The following LGALS3BP variants were observed in gnomAD, a reference collection of about 807,000 sequenced individuals.
The protein encoded by LGALS3BP is galectin-3-binding protein.
Under a neutral mutation model 22.9 loss-of-function variants are expected in LGALS3BP, and 25 were observed. The ratio of observed to expected loss-of-function variants is 1.09; its 90% CI spans 0.80 to 1.53. LGALS3BP has a LOEUF of 1.53. LGALS3BP is among the 40% of genes most tolerant of loss of function. LGALS3BP has a pLI of 0.00. For missense variants in LGALS3BP, 718 were observed against 752.0 expected, an observed-to-expected ratio of 0.95 and a Z score of 0.53; for synonymous variants, 335 against 331.1, an observed-to-expected ratio of 1.01 and a Z score of -0.13.
At position 78,973,262 on chromosome 17, in the gene LGALS3BP, CGGGGCACTGCCACTCTCT is replaced by C; in HGVS notation, c.377-58_377-41del. The C allele has an allele frequency of 6.8e-7, 1 of 1,460,996 alleles. No individual in the cohort carries two copies. Among genetic ancestry groups the C allele is most frequent in the South Asian group, 1.4e-5 (1 of 73,436 alleles). 90.5% of individuals were successfully genotyped at this position (1,460,996 alleles called of 1,614,324 possible). On this transcript the variant is annotated intron_variant, in intron 4 of 5. Coordinates refer to ENST00000262776, the MANE Select transcript of LGALS3BP (RefSeq NM_005567.4). This position sits in a 1 kb window ranked among gnomAD's most constrained non-coding sequence, Gnocchi z 5.8. ...GAGGGAAGTGGGCTGCGTTAGGAGC[CGGGGCACTGCCACTCTCT>C]GGGGTCAGTGTCTTCATCTGAAAGT...
rs776004950 is a variant in LGALS3BP at position 78,976,339 on chromosome 17, C to G, written c.53-183G>C. Among the ~76,000 whole-genome samples, 7 of 152,176 alleles carry G rather than the reference C, an allele frequency of 4.6e-5. No individual in the cohort carries two copies. The highest frequency in any genetic ancestry group is 5.9e-5 in the Non-Finnish European group (4 of 68,024). On this transcript the variant is annotated intron_variant, in intron 2 of 5. Transcript: ENST00000262776. The surrounding 1 kb of genome is among the most constrained non-coding windows in gnomAD (Gnocchi z 4.6). ...GGAGTGGAAGATACATACAGCCCCC[C>G]CTACCCCGCAAGGAGGCCAAACTCG...
Position 78,972,851 on chromosome 17 carries a change from C to T in LGALS3BP, c.629+119G>A, listed in dbSNP as rs934134538. 17 of 1,434,088 alleles carry T rather than the reference C, an allele frequency of 1.2e-5. No individual in the cohort carries two copies. Among genetic ancestry groups the T allele is most frequent in the Middle Eastern group, 1.9e-4 (1 of 5,296 alleles). The allele number at this position is 1,434,088 out of a possible 1,614,324, so 88.8% of individuals were successfully genotyped here. A position where few individuals can be genotyped will look rare whatever the true frequency, so the allele number is the denominator to read the frequency against. Reference sequence around the variant, plus strand: ...AACTGCGTGAGTGCATGTGTGACTGCGTGTGTACATGTGCATGCATGAGTA... The same window carrying T: ...AACTGCGTGAGTGCATGTGTGACTGTGTGTGTACATGTGCATGCATGAGTA... On this transcript the variant is annotated intron_variant, in intron 5 of 5. Transcript: ENST00000262776. This position sits in a 1 kb window ranked among gnomAD's most constrained non-coding sequence, Gnocchi z 5.1.
rs1299240996 is a variant in LGALS3BP, at chr17:78,977,181, G to A, written c.11C>T (p.Pro4Leu). Residue 4 changes from proline (P) to leucine (L), a missense_variant, in exon 2 of 6, where the codon CCG becomes CTG. Transcript: ENST00000262776. ...CAGCAGCCACACCCAGAAGAGCCTCGGAGGGGTCATGGCCGTGCCTGGATG... is the reference window on the plus strand; with the variant it reads ...CAGCAGCCACACCCAGAAGAGCCTCAGAGGGGTCATGGCCGTGCCTGGATG... MTP[P>L]RLFWVWLLVA... is the part of the protein sequence containing the mutation. The A allele has an allele frequency of 7.4e-6, 12 of 1,613,252 alleles. No individual in the cohort carries two copies. Among genetic ancestry groups the A allele is most frequent in the East Asian group, 4.5e-5 (2 of 44,872 alleles).
rs2070720157 is a variant in LGALS3BP, at chr17:78,976,246, C to T, written c.53-90G>A. 1.7e-6 allele frequency: 2 copies of T among 1,188,822 alleles called. No homozygotes were observed. The highest frequency in any genetic ancestry group is 1.5e-5 in the African/African-American group (1 of 64,606). 73.6% of individuals were successfully genotyped at this position (1,188,822 alleles called of 1,614,324 possible). A position where few individuals can be genotyped will look rare whatever the true frequency, so the allele number is the denominator to read the frequency against. On this transcript the variant is annotated intron_variant, in intron 2 of 5. Coordinates refer to ENST00000262776, the MANE Select transcript of LGALS3BP (RefSeq NM_005567.4). This position sits in a 1 kb window ranked among gnomAD's most constrained non-coding sequence, Gnocchi z 4.6. ...CCCCATATGCTGTCCTGGGTCTCCC[C>T]TGCTGAGCTTGTATTTCAGGGCTTC...
In LGALS3BP at chr17:78,977,258, G is replaced by A. The variant is rs191854140; in HGVS notation, c.-23-44C>T. The A allele has an allele frequency of 4.6e-6, 7 of 1,520,910 alleles. No individual in the cohort carries two copies. In the African/African-American group the frequency reaches 9.5e-5, roughly 21 times the overall value. The allele number at this position is 1,520,910 out of a possible 1,614,324, so 94.2% of individuals were successfully genotyped here. A position where few individuals can be genotyped will look rare whatever the true frequency, so the allele number is the denominator to read the frequency against. On this transcript the variant is annotated intron_variant, in intron 1 of 5. Transcript: ENST00000262776. ...GAGGGGTGAGGCACGGGAGCCAGAT[G>A]GCCCGAGGCCCCAGGGACTGGCCTG...
Position 78,977,132 on chromosome 17 carries a change from C to T in LGALS3BP, c.52+8G>A, listed in dbSNP as rs1366066555. Reference sequence around the variant, plus strand: ...CTGCTTTTGGTATTTCCCAGGGGCTCAGCTCACCTTGGGTTCCTGCAACCA... The same window carrying T: ...CTGCTTTTGGTATTTCCCAGGGGCTTAGCTCACCTTGGGTTCCTGCAACCA... On this transcript the variant is annotated splice_region_variant and intron_variant, in intron 2 of 5. Transcript: ENST00000262776. 3 of 1,613,180 alleles carry T rather than the reference C, an allele frequency of 1.9e-6. No homozygotes were observed. The highest frequency in any genetic ancestry group is 1.7e-6 in the Non-Finnish European group (2 of 1,179,978).
rs1368165259 is a variant in LGALS3BP, at chr17:78,971,714, C to G, written c.1620G>C (p.Trp540Cys). ...FVADVTDFEG[W>C]KAAIPSALDT... Reference sequence around the variant, plus strand: ...CCAGGGCACTGGGAATCGCAGCCTTCCAGCCCTCGAAATCGGTGACGTCTG... The same window carrying G: ...CCAGGGCACTGGGAATCGCAGCCTTGCAGCCCTCGAAATCGGTGACGTCTG... Residue 540 changes from tryptophan to cysteine, a missense_variant, in exon 6 of 6, where the codon TGG becomes TGC. Physicochemically the swap from Trp to Cys is radical, Grantham distance 215 (BLOSUM62 -2). Coordinates refer to ENST00000262776, the MANE Select transcript of LGALS3BP (RefSeq NM_005567.4). The surrounding 1 kb of genome is among the most constrained non-coding windows in gnomAD (Gnocchi z 5.6). 6.2e-7 allele frequency: 1 copy of G among 1,614,034 alleles called. No individual in the cohort carries two copies. The highest frequency in any genetic ancestry group is 8.5e-7 in the Non-Finnish European group (1 of 1,180,018).
intron 1 of LGALS3BP, among the ~76,000 whole-genome samples, chr17:78,978,745 G>C (rs1344965620): frequency 6.6e-6 from 1 of 152,188 alleles, no homozygotes; most frequent in African/African-American, 2.4e-5. Context: ...TGTCCGTCCT[G>C]GGAGAGTAAC....
intron 3 of LGALS3BP, 26 bp downstream of exon 3, chr17:78,975,939 C>G: frequency 6.4e-7 from 1 of 1,564,798 alleles, no homozygotes; most frequent in Non-Finnish European, 8.7e-7. Flanking sequence ...GTCTCAGCCT[C>G]AGTGGAAGGG....
Position 78,976,335 on chromosome 17 carries a change from C to G in LGALS3BP, c.53-179G>C, listed in dbSNP as rs190863676. Among the ~76,000 whole-genome samples the G allele has an allele frequency of 1.3e-4, 20 of 152,272 alleles. No individual in the cohort carries two copies. The highest frequency in any genetic ancestry group is 2.1e-4 in the South Asian group (1 of 4,832). On this transcript the variant is annotated intron_variant, in intron 2 of 5. Coordinates refer to ENST00000262776, the MANE Select transcript of LGALS3BP (RefSeq NM_005567.4). The surrounding 1 kb of genome is among the most constrained non-coding windows in gnomAD (Gnocchi z 4.6). ...GGGAGGAGTGGAAGATACATACAGC[C>G]CCCCCTACCCCGCAAGGAGGCCAAA...
At position 78,971,896 on chromosome 17, in the gene LGALS3BP, G is replaced by A; in HGVS notation, c.1438C>T (p.Leu480=). 1 of 1,614,196 alleles carries A rather than the reference G, an allele frequency of 6.2e-7. No individual in the cohort carries two copies. The highest frequency in any genetic ancestry group is 8.5e-7 in the Non-Finnish European group (1 of 1,180,042). The change falls in exon 6 of 6, where the codon CTG becomes TTG. Residue 480 remains leucine (L), a synonymous_variant. Transcript: ENST00000262776. This position sits in a 1 kb window ranked among gnomAD's most constrained non-coding sequence, Gnocchi z 5.6. ...CTCTGGATGGTGGGGAGGTAGACCA[G>A]GGACCAGGACACCCTCTTGTCCTGG... The part of the protein sequence containing the change: ...LFQDKRVSWS[L]VYLPTIQSCW...
In LGALS3BP at chr17:78,973,935, C is replaced by T. The variant is rs967557964; in HGVS notation, c.377-713G>A. On this transcript the variant is annotated intron_variant, in intron 4 of 5. Coordinates refer to ENST00000262776, the MANE Select transcript of LGALS3BP (RefSeq NM_005567.4). The surrounding 1 kb of genome is among the most constrained non-coding windows in gnomAD (Gnocchi z 5.8). ...CACGCCTTACCACAGCTCTCCTGCC[C>T]CAGGAGCTTTGGCCGTGCGCCCATG... Among the ~76,000 whole-genome samples, 1 of 152,258 alleles carries T rather than the reference C, an allele frequency of 6.6e-6. No individual in the cohort carries two copies. The highest frequency in any genetic ancestry group is 1.5e-5 in the Non-Finnish European group (1 of 68,046).
chr17:78,971,857 C>T lies in LGALS3BP; in HGVS notation c.1477G>A (p.Gly493Ser), dbSNP rs762668967. The T allele has an allele frequency of 1.3e-5, 21 of 1,614,164 alleles. No homozygotes were observed. The highest frequency in any genetic ancestry group is 5.0e-5 in the Admixed American group (3 of 60,022). The change falls in exon 6 of 6, where the codon GGC becomes AGC. Residue 493 changes from glycine to serine, a missense_variant. By Grantham distance (56) the Gly-to-Ser change is moderately conservative (BLOSUM62 0). Coordinates refer to ENST00000262776, the MANE Select transcript of LGALS3BP (RefSeq NM_005567.4). The surrounding 1 kb of genome is among the most constrained non-coding windows in gnomAD (Gnocchi z 5.6). ...LPTIQSCWNYGFSCSSDELPV... is the reference protein window; with the variant it reads ...LPTIQSCWNYSFSCSSDELPV... ...AGCTCGTCCGAGGAGCAGGAGAAGC[C>T]GTAGTTCCAGCAGCTCTGGATGGTG... is the stretch of plus-strand genomic sequence containing the variant.
chr17:78,972,949 C>T lies in LGALS3BP; in HGVS notation c.629+21G>A. On this transcript the variant is annotated intron_variant, in intron 5 of 5. Coordinates refer to ENST00000262776, the MANE Select transcript of LGALS3BP (RefSeq NM_005567.4). The surrounding 1 kb of genome is among the most constrained non-coding windows in gnomAD (Gnocchi z 5.1). ...GACAAAGCCCCTGGCGGCCCCAGAG[C>T]CTGAGGACGAGACGGCTCACCTGAG... 1 of 1,588,596 alleles carries T rather than the reference C, an allele frequency of 6.3e-7. No individual in the cohort carries two copies. The highest frequency in any genetic ancestry group is 8.6e-7 in the Non-Finnish European group (1 of 1,163,612).
chr17:78,972,680 G>A lies in LGALS3BP; in HGVS notation c.654C>T (p.Asp218=). 3 of 1,520,410 alleles carry A rather than the reference G, an allele frequency of 2.0e-6. No homozygotes were observed. The highest frequency in any genetic ancestry group is 2.6e-6 in the Non-Finnish European group (3 of 1,134,418). 94.2% of individuals were successfully genotyped at this position (1,520,410 alleles called of 1,614,324 possible). ...AGCACTTGACTGACGACAGGGTGAT[G>A]TCAATCCTTCGGGAGTAGAAGTACC... The part of the protein sequence containing the change: ...LLRYFYSRRI[D]ITLSSVKCFH... Residue 218 remains aspartate (D), a synonymous_variant, in exon 6 of 6, where the codon GAC becomes GAT. Transcript: ENST00000262776. This position sits in a 1 kb window ranked among gnomAD's most constrained non-coding sequence, Gnocchi z 5.1.
rs61741345 is a variant in LGALS3BP, at chr17:78,971,648, C to T, written c.1686G>A (p.Pro562=). 4.8e-4 allele frequency: 769 copies of T among 1,613,712 alleles called. 4 individuals are homozygous for T. The African/African-American group carries it at 9.0e-3, about 19-fold the overall frequency. ...SSKSTSSFPC[P]AGHFNGFRTV... ...TGCGGAAGCCGTTGAAGTGCCCTGC[C>T]GGGCAGGGGAAGGAGGAGGTGCTCT... The change falls in exon 6 of 6, where the codon CCG becomes CCA. Residue 562 remains proline, a synonymous_variant. Coordinates refer to ENST00000262776, the MANE Select transcript of LGALS3BP (RefSeq NM_005567.4). The surrounding 1 kb of genome is among the most constrained non-coding windows in gnomAD (Gnocchi z 5.6).
chr17:78,972,339 TC>T lies in LGALS3BP; in HGVS notation c.994del (p.Glu332SerfsTer19). 2 of 1,612,904 alleles carry T rather than the reference TC, an allele frequency of 1.2e-6. No individual in the cohort carries two copies. The highest frequency in any genetic ancestry group is 1.7e-6 in the Non-Finnish European group (2 of 1,179,768). Reference protein sequence around the residue: ...LKAVDTWSWGERASHEEVEGL... With the variant: ...LKAVDTWSWGXRASHEEVEGL... Reference sequence around the variant, plus strand: ...CTCCACCTCCTCATGGGAGGCACGCTCCCCCCAGCTCCAGGTGTCCACGGCC... The same window carrying T: ...CTCCACCTCCTCATGGGAGGCACGCTCCCCCAGCTCCAGGTGTCCACGGCC... On this transcript the variant is annotated frameshift_variant, in exon 6 of 6. Coordinates refer to ENST00000262776, the MANE Select transcript of LGALS3BP (RefSeq NM_005567.4). LOFTEE classifies it low-confidence loss of function (END_TRUNC). The surrounding 1 kb of genome is among the most constrained non-coding windows in gnomAD (Gnocchi z 5.1).
chr17:78,977,354 T>C, intron 1 of LGALS3BP, 140 bp from the exon 2 acceptor site: 1 of 657,382 alleles, frequency 1.5e-6, no homozygotes, highest in Non-Finnish European at 2.6e-6. Context: ...CCCACTATGA[T>C]CCCAGTAAGT....
rs1022208432 is a variant in LGALS3BP at position 78,972,815 on chromosome 17, C to T, written c.630-111G>A. On this transcript the variant is annotated intron_variant, in intron 5 of 5. Transcript: ENST00000262776. The surrounding 1 kb of genome is among the most constrained non-coding windows in gnomAD (Gnocchi z 5.1). ...TGCACACAGTGTGGGAGTGAGCATG[C>T]GTGTGTGTGCAACTGCGTGAGTGCA... The T allele has an allele frequency of 1.3e-5, 18 of 1,431,968 alleles. No homozygotes were observed. Among genetic ancestry groups the T allele is most frequent in the Middle Eastern group, 1.9e-4 (1 of 5,338 alleles). 88.7% of individuals were successfully genotyped at this position (1,431,968 alleles called of 1,614,324 possible). A position where few individuals can be genotyped will look rare whatever the true frequency, so the allele number is the denominator to read the frequency against.
Sources: allele counts gnomAD v4.1 joint callset (sites outside exome capture counted in the v4.1 genomes callset), GRCh38; gene constraint gnomAD v4.1.1; non-coding constraint Gnocchi (gnomAD v3.1); transcripts MANE v1.5; gene names NCBI Gene and HGNC (gene_info 2026-07-23, HGNC 2026-07-21).